Variants in AARS1 observed in about 807,000 individuals in gnomAD.
AARS1 encodes the protein alanyl-tRNA synthetase 1.
Under a neutral mutation model 108.9 loss-of-function variants are expected in AARS1, and 72 were observed. The observed-to-expected ratio is 0.66, with a 90% CI of 0.55 to 0.80. AARS1 has a LOEUF of 0.80. Ranked by LOEUF, AARS1 falls within the 30% of genes least tolerant of loss-of-function variation. The pLI is 0.00. For synonymous variants in AARS1, 489 were observed against 465.7 expected, an observed-to-expected ratio of 1.05 and a Z score of -0.64; for missense variants, 1,193 against 1,233.2, an observed-to-expected ratio of 0.97 and a Z score of 0.49.
chr16:70,286,923 C>G (rs1337442856), intron 1 of AARS1, among the ~76,000 whole-genome samples: 2 of 151,374 alleles, frequency 1.3e-5, no homozygotes, highest in Non-Finnish European at 2.9e-5. Flanking sequence ...CGAGAACAGC[C>G]TGGCCAACAT....
chr16:70,256,541 C>T (rs560750835), intron 15 of AARS1, among the ~76,000 whole-genome samples: 1 of 152,262 alleles, frequency 6.6e-6, no homozygotes, highest in African/African-American at 2.4e-5. Flanking sequence ...CTCAAGTGAT[C>T]TGCCTGCCTC....
At chr16:70,270,552 G>C (rs559832564) in intron 5 of AARS1, among the ~76,000 whole-genome samples, 4 of 152,192 alleles carry the variant, frequency 2.6e-5, no homozygotes, top group African/African-American at 7.2e-5. Context: ...TTAAGAGTGA[G>C]GAAAGGCCAG....
intron 2 of AARS1, among the ~76,000 whole-genome samples, chr16:70,280,164 A>C (rs1960660345): frequency 6.6e-6 from 1 of 151,962 alleles, no homozygotes; most frequent in Non-Finnish European, 1.5e-5. Context: ...CAATCCTCTT[A>C]CTTTGGCCTC....
At position 70,282,616 on chromosome 16, in the gene AARS1, T is replaced by C. The variant is rs781549678; in HGVS notation, c.144+4A>G. 3 of 1,613,958 alleles carry C rather than the reference T, an allele frequency of 1.9e-6. No individual in the cohort carries two copies. In the African/African-American group the frequency reaches 4.0e-5, roughly 22 times the overall value. On this transcript the variant is annotated splice_donor_region_variant and intron_variant, in intron 2 of 20. Coordinates refer to ENST00000261772, the MANE Select transcript of AARS1 (RefSeq NM_001605.3). ...AAAGCCAAGAAAAAAGGAAAAACCC[T>C]TACCTGGTTCATGCCTGCATTGGCA...
chr16:70,281,550 C>G (rs1019518226), intron 2 of AARS1, among the ~76,000 whole-genome samples: 3 of 152,238 alleles, frequency 2.0e-5, no homozygotes, highest in African/African-American at 7.2e-5. Context: ...CTTGTAGTTC[C>G]AGCTACTTCG....
chr16:70,257,488 A>T (rs1299184511), intron 15 of AARS1, among the ~76,000 whole-genome samples: 1 of 152,212 alleles, frequency 6.6e-6, no homozygotes, highest in Non-Finnish European at 1.5e-5. Context: ...CCAGGCCACC[A>T]TGACCTTCCC....
rs148904367 is a variant in AARS1, at chr16:70,287,604, G to A, written c.-22+1817C>T. 4.8e-4 allele frequency among the ~76,000 whole-genome samples: 73 copies of A among 150,722 alleles called. 1 individual carries two copies. The highest frequency in any genetic ancestry group is 1.7e-3 in the African/African-American group (71 of 41,062). On this transcript the variant is annotated intron_variant, in intron 1 of 20. Coordinates refer to ENST00000261772, the MANE Select transcript of AARS1 (RefSeq NM_001605.3). The stretch of plus-strand genomic sequence containing the variant: ...CAATTTTTTTTTTAATTGGCCAGGT[G>A]TGGTGGTGTGCACCTGCAGACCCAG...
At chr16:70,268,497 T>C (rs1474833922) in intron 7 of AARS1, 118 bp from the exon 8 acceptor site, 9 of 755,944 alleles carry the variant, frequency 1.2e-5, no homozygotes, top group Admixed American at 7.0e-5. Flanking sequence ...CTAAGCCTGC[T>C]TCTTTCGCAT....
At chr16:70,274,781 C>T (rs914868208) in intron 4 of AARS1, among the ~76,000 whole-genome samples, 1 of 151,828 alleles carries the variant, frequency 6.6e-6, no homozygotes, top group Non-Finnish European at 1.5e-5. Flanking sequence ...CACATACACA[C>T]AAGGTTACAG....
At chr16:70,268,939 G>A (rs545620639) in intron 7 of AARS1, among the ~76,000 whole-genome samples, 6 of 152,322 alleles carry the variant, frequency 3.9e-5, no homozygotes, top group African/African-American at 1.4e-4. Flanking sequence ...GGGCATGGTG[G>A]CTCACACCTG....
chr16:70,276,660 G>C, intron 3 of AARS1, 29 bp from the exon 4 acceptor site: 2 of 1,612,740 alleles, frequency 1.2e-6, no homozygotes, highest in Non-Finnish European at 1.7e-6. Flanking sequence ...GAAAGATATG[G>C]AACATTGCCA....
At chr16:70,270,879 T>C (rs1597442622) in intron 5 of AARS1, among the ~76,000 whole-genome samples, 1 of 120,048 alleles carries the variant, frequency 8.3e-6, no homozygotes, top group Admixed American at 8.3e-5. Context: ...CTGGGCATGG[T>C]GGCTCACGCC....
chr16:70,253,642 C>G, intron 19 of AARS1, 72 bp downstream of exon 19: 1 of 1,536,804 alleles, frequency 6.5e-7, no homozygotes, highest in South Asian at 1.1e-5. Flanking sequence ...TCGCTCAGAG[C>G]CACAGAGGCC....
chr16:70,283,590 G>GT, intron 1 of AARS1, among the ~76,000 whole-genome samples: 1 of 152,206 alleles, frequency 6.6e-6, no homozygotes, highest in South Asian at 2.1e-4. Flanking sequence ...CTTCAGCTCT[G>GT]TGTTAATGTA....
intron 1 of AARS1, among the ~76,000 whole-genome samples, chr16:70,288,584 T>G (rs897523322): frequency 9.5e-6 from 1 of 105,654 alleles, no homozygotes; most frequent in African/African-American, 3.0e-5. Context: ...TTTTTTTTTT[T>G]GAAACGGAGT....
At chr16:70,258,339 G>A (rs1009856121) in intron 14 of AARS1, 122 bp from the exon 15 acceptor site, 1 of 1,017,560 alleles carries the variant, frequency 9.8e-7, no homozygotes, top group Non-Finnish European at 1.5e-6. Context: ...CCTAGCACGT[G>A]CCATGAGCTT....
At chr16:70,255,998 G>C (rs1398881233) in intron 15 of AARS1, among the ~76,000 whole-genome samples, 162 bp from the exon 16 acceptor site, 1 of 152,214 alleles carries the variant, frequency 6.6e-6, no homozygotes, top group African/African-American at 2.4e-5. Flanking sequence ...CGCTGAGCCT[G>C]AGTGTTCTCA....
chr16:70,256,306 TTTTG>T (rs779554382), intron 15 of AARS1, among the ~76,000 whole-genome samples: 31 of 152,124 alleles, frequency 2.0e-4, no homozygotes, highest in Admixed American at 7.2e-4. Flanking sequence ...GTATAGTTTT[TTTTG>T]TTTGTTTGTT....
intron 11 of AARS1, among the ~76,000 whole-genome samples, chr16:70,262,996 A>AAAAAAAAAAAAAAAAAAAAAAAAAAC (rs1555540563): frequency 7.7e-6 from 1 of 129,062 alleles, no homozygotes; most frequent in Non-Finnish European, 1.6e-5. Context: ...AAAAAAAAAA[A>AAAAAAAAAAAAAAAAAAAAAAAAAAC]AACAACAACA....
Sources: gnomAD v4.1 joint callset for allele counts (sites outside exome capture counted in the v4.1 genomes callset) on GRCh38, gnomAD v4.1.1 for gene constraint, MANE v1.5 for transcripts, NCBI Gene and HGNC (gene_info 2026-07-23, HGNC 2026-07-21) for gene names.